Variants in AGMO observed in about 807,000 individuals in gnomAD.
The protein encoded by AGMO is glyceryl-ether monooxygenase.
Under a neutral mutation model 60.2 loss-of-function variants are expected in AGMO, and 75 were observed. The observed-to-expected ratio is 1.25, with a 90% CI of 1.03 to 1.51. The LOEUF (loss-of-function observed/expected upper bound fraction) is 1.51. AGMO is among the 40% of genes most tolerant of loss of function. AGMO has a pLI of 0.00. For missense variants in AGMO, 763 were observed against 525.5 expected (o/e 1.45, Z -4.42); for synonymous variants, 261 against 177.1 (o/e 1.47, Z -3.76).
intron 12 of AGMO, among the ~76,000 whole-genome samples, chr7:15,244,501 C>T (rs969170532): frequency 2.6e-5 from 4 of 152,088 alleles, no homozygotes; most frequent in African/African-American, 9.7e-5. Flanking sequence ...AGAACAAAAG[C>T]TAATAAATGT....
At chr7:15,289,588 T>A (rs1287760184) in intron 12 of AGMO, among the ~76,000 whole-genome samples, 1 of 152,054 alleles carries the variant, frequency 6.6e-6, no homozygotes, top group African/African-American at 2.4e-5. Flanking sequence ...ATACATAGGT[T>A]CTAATAAGTT....
At chr7:15,309,542 G>C (rs1417162670) in intron 12 of AGMO, among the ~76,000 whole-genome samples, 1 of 152,056 alleles carries the variant, frequency 6.6e-6, no homozygotes, top group African/African-American at 2.4e-5. Context: ...TGTAAGTCAG[G>C]TGTTGTTTTC....
At chr7:15,338,724 A>G (rs1244732217) in intron 12 of AGMO, among the ~76,000 whole-genome samples, 1 of 152,138 alleles carries the variant, frequency 6.6e-6, no homozygotes, top group African/African-American at 2.4e-5. Flanking sequence ...TTGTCATTCC[A>G]CTTCTACTAG....
At chr7:15,374,922 T>A (rs1028263242) in intron 10 of AGMO, among the ~76,000 whole-genome samples, 1 of 152,108 alleles carries the variant, frequency 6.6e-6, no homozygotes, top group African/African-American at 2.4e-5. Flanking sequence ...TCATGCGTGA[T>A]ACCCTGAAGA....
At chr7:15,273,479 G>C (rs1451104393) in intron 12 of AGMO, among the ~76,000 whole-genome samples, 2 of 152,028 alleles carry the variant, frequency 1.3e-5, no homozygotes, top group South Asian at 4.2e-4. Flanking sequence ...CCACTGGTCT[G>C]TATCTCTGTT....
chr7:15,204,912 C>T (rs2115469213), intron 12 of AGMO, among the ~76,000 whole-genome samples: 1 of 152,198 alleles, frequency 6.6e-6, no homozygotes, highest in South Asian at 2.1e-4. Flanking sequence ...AAACTGGACT[C>T]GAACTCCTGG....
At chr7:15,506,227 C>G (rs759877615) in intron 3 of AGMO, among the ~76,000 whole-genome samples, 1 of 151,936 alleles carries the variant, frequency 6.6e-6, no homozygotes, top group Non-Finnish European at 1.5e-5. Flanking sequence ...TACTCTGTGC[C>G]AGAAACTGAA....
intron 3 of AGMO, among the ~76,000 whole-genome samples, chr7:15,522,813 A>C (rs1031096053): frequency 6.6e-6 from 1 of 152,190 alleles, no homozygotes; most frequent in Non-Finnish European, 1.5e-5. Context: ...AAAACACCAA[A>C]AACAATTGCA....
the AGMO span, among the ~76,000 whole-genome samples, chr7:15,128,277 T>C: frequency 2.0e-5 from 3 of 152,110 alleles, no homozygotes; most frequent in East Asian, 5.8e-4. Flanking sequence ...TATATCTCCA[T>C]ACAGCTGGAG....
the AGMO span, among the ~76,000 whole-genome samples, chr7:15,160,189 G>A: frequency 2.0e-5 from 3 of 152,220 alleles, no homozygotes; most frequent in South Asian, 2.1e-4. Flanking sequence ...ACGGAACAGC[G>A]AGAAGTAGGA....
chr7:15,441,854 G>A (rs28563103), intron 3 of AGMO, among the ~76,000 whole-genome samples: 5,934 of 152,220 alleles, frequency 0.039, 357 homozygotes, highest in African/African-American at 0.13. Context: ...TCACTAGGTA[G>A]AAAGTAACTG....
chr7:15,354,353 TAG>T (rs1491328050), intron 12 of AGMO, among the ~76,000 whole-genome samples: 2 of 72,474 alleles, frequency 2.8e-5, no homozygotes, highest in Admixed American at 1.3e-4. Flanking sequence ...CGCGTGTATA[TAG>T]ACGTGTGTAT....
At chr7:15,237,086 A>G (rs1336299646) in intron 12 of AGMO, among the ~76,000 whole-genome samples, 2 of 152,118 alleles carry the variant, frequency 1.3e-5, no homozygotes, top group Non-Finnish European at 2.9e-5. Flanking sequence ...TCAGTCTCAA[A>G]TGTGCTTTGT....
intron 5 of AGMO, among the ~76,000 whole-genome samples, chr7:15,416,027 C>CT (rs759040945): frequency 0.017 from 2,165 of 130,846 alleles, 50 homozygotes; most frequent in African/African-American, 0.045. Flanking sequence ...TTCTTTTTTT[C>CT]TTTTTTTTTT....
intron 3 of AGMO, among the ~76,000 whole-genome samples, chr7:15,498,926 G>A (rs891058852): frequency 6.6e-6 from 1 of 151,920 alleles, no homozygotes; most frequent in Non-Finnish European, 1.5e-5. Context: ...ATATGAAACA[G>A]TCTCTGAGAT....
intron 3 of AGMO, among the ~76,000 whole-genome samples, chr7:15,467,239 A>G (rs556558248): frequency 3.9e-5 from 6 of 152,168 alleles, no homozygotes; most frequent in African/African-American, 1.4e-4. Flanking sequence ...TGGCTTCCCC[A>G]ATTTCATGAG....
intron 10 of AGMO, among the ~76,000 whole-genome samples, chr7:15,371,307 C>CT (rs1783202645): frequency 6.6e-6 from 1 of 151,012 alleles, no homozygotes; most frequent in Non-Finnish European, 1.5e-5. Context: ...GACAACCTCC[C>CT]TTTCCAGCCT....
intron 3 of AGMO, among the ~76,000 whole-genome samples, chr7:15,452,302 C>A (rs1020312307): frequency 6.6e-6 from 1 of 151,570 alleles, no homozygotes; most frequent in African/African-American, 2.4e-5. Flanking sequence ...AAAAACAATC[C>A]ACAGAATAGA....
At chr7:15,424,056 T>G (rs1316098318) in intron 4 of AGMO, among the ~76,000 whole-genome samples, 4 of 152,180 alleles carry the variant, frequency 2.6e-5, no homozygotes, top group African/African-American at 7.2e-5. Flanking sequence ...TACATAATAT[T>G]CTATCTACAA....
Sources: allele counts gnomAD v4.1 joint callset (sites outside exome capture counted in the v4.1 genomes callset), GRCh38; gene constraint gnomAD v4.1.1; transcripts MANE v1.5; gene names NCBI Gene and HGNC (gene_info 2026-07-23, HGNC 2026-07-21).